Variants in RBFOX1 observed in about 807,000 individuals in gnomAD.
The protein encoded by RBFOX1 is RNA binding fox-1 homolog 1.
RBFOX1 carries 8 observed loss-of-function variants against 57.7 expected under a neutral mutation model. That is an observed-to-expected ratio of 0.14 (90% CI 0.08 to 0.25). The LOEUF (loss-of-function observed/expected upper bound fraction) is 0.25, where lower values mean the gene tolerates loss of function less well. Among genes scored for constraint, RBFOX1 ranks in the 10% least tolerant of loss-of-function variants. RBFOX1 has a pLI of 1.00. For synonymous variants in RBFOX1, 326 were observed against 222.4 expected (o/e 1.47, Z -4.15); for missense variants, 611 against 548.5 (o/e 1.11, Z -1.14).
At chr16:6,240,269 C>T (rs1238647712) in intron 1 of RBFOX1, among the ~76,000 whole-genome samples, 1 of 152,160 alleles carries the variant, frequency 6.6e-6, no homozygotes, top group Non-Finnish European at 1.5e-5. Context: ...TCAGGTATTT[C>T]TTTATAGCAG....
intron 4 of RBFOX1, among the ~76,000 whole-genome samples, chr16:7,053,742 A>T (rs2050910529): frequency 6.6e-6 from 1 of 152,124 alleles, no homozygotes; most frequent in African/African-American, 2.4e-5. Flanking sequence ...AAATGCAGGG[A>T]GTGGCTTGAT....
intron 3 of RBFOX1, among the ~76,000 whole-genome samples, chr16:5,724,187 A>G (rs1266196898): frequency 1.3e-5 from 2 of 152,132 alleles, no homozygotes; most frequent in African/African-American, 4.8e-5. Flanking sequence ...GAGTGGCAAG[A>G]TATTCTTTGG....
intron 1 of RBFOX1, among the ~76,000 whole-genome samples, chr16:6,220,518 T>C (rs577537459): frequency 3.3e-5 from 5 of 152,218 alleles, no homozygotes; most frequent in Non-Finnish European, 7.3e-5. Flanking sequence ...TTTGATAATT[T>C]GTAATTTGTA....
chr16:6,665,172 G>A lies in RBFOX1; in HGVS notation c.-16+10522G>A, dbSNP rs141326898. 7.5e-4 allele frequency among the ~76,000 whole-genome samples: 114 copies of A among 152,264 alleles called. 3 individuals are homozygous for A. The East Asian group carries it at 0.018, about 24-fold the overall frequency. On this transcript the variant is annotated intron_variant, in intron 3 of 15. Coordinates refer to ENST00000550418, the MANE Select transcript of RBFOX1 (RefSeq NM_018723.4). ...TAACTCCCACCTGTGGAGAAAAGGC[G>A]CTTCTTTTTCAGTGGCTTAGTAAAG...
chr16:5,884,798 G>C (rs978803532), intron 4 of RBFOX1, among the ~76,000 whole-genome samples: 1 of 152,080 alleles, frequency 6.6e-6, no homozygotes, highest in Non-Finnish European at 1.5e-5. Context: ...TGATGAGTGA[G>C]GTCCAGAAGG....
intron 1 of RBFOX1, among the ~76,000 whole-genome samples, chr16:5,427,778 C>A (rs2067607404): frequency 6.6e-6 from 1 of 152,134 alleles, no homozygotes; most frequent in Admixed American, 6.6e-5. Context: ...GGATGGGGCC[C>A]ACCCACATTA....
chr16:6,643,595 A>G (rs191245224), intron 2 of RBFOX1, among the ~76,000 whole-genome samples: 35 of 152,306 alleles, frequency 2.3e-4, no homozygotes, highest in African/African-American at 7.7e-4. Context: ...ACTTTAGAAC[A>G]TTGGTTTAAA....
rs144670193 is a variant in RBFOX1 at position 6,931,862 on chromosome 16, C to T, written c.-15-120195C>T. 2.7e-3 allele frequency among the ~76,000 whole-genome samples: 409 copies of T among 152,154 alleles called. 7 individuals carry two copies. Among genetic ancestry groups the T allele is most frequent in the East Asian group, 9.7e-3 (50 of 5,168 alleles). On this transcript the variant is annotated intron_variant, in intron 3 of 15. Transcript: ENST00000550418. ...CCAAGAGCATGGCACTGGTATCTGACGAGGGCGTGGTATAAGGCATCACAT... is the reference window on the plus strand; with the variant it reads ...CCAAGAGCATGGCACTGGTATCTGATGAGGGCGTGGTATAAGGCATCACAT...
chr16:6,542,149 C>T (rs2096829558), intron 2 of RBFOX1, among the ~76,000 whole-genome samples: 1 of 152,086 alleles, frequency 6.6e-6, no homozygotes, highest in Non-Finnish European at 1.5e-5. Flanking sequence ...TCGTCTCAAA[C>T]TCCTGGCCTC....
chr16:5,815,421 G>C (rs10445039), intron 3 of RBFOX1, among the ~76,000 whole-genome samples: 1 of 152,108 alleles, frequency 6.6e-6, no homozygotes, highest in Non-Finnish European at 1.5e-5. Flanking sequence ...CCCATGATTA[G>C]AACAGGGGCA....
intron 2 of RBFOX1, among the ~76,000 whole-genome samples, chr16:6,410,531 T>A (rs1162641587): frequency 2.0e-5 from 3 of 151,998 alleles, no homozygotes; most frequent in African/African-American, 7.3e-5. Flanking sequence ...CAGGATGGTC[T>A]GGATCTCCTG....
At chr16:7,589,866 G>T (rs1159636203) in intron 7 of RBFOX1, among the ~76,000 whole-genome samples, 1 of 150,910 alleles carries the variant, frequency 6.6e-6, no homozygotes, top group South Asian at 2.1e-4. Context: ...ATTCTCTAGA[G>T]CAGTTCTTCA....
At chr16:5,414,159 G>C (rs980166907) in intron 1 of RBFOX1, among the ~76,000 whole-genome samples, 1 of 152,140 alleles carries the variant, frequency 6.6e-6, no homozygotes, top group Non-Finnish European at 1.5e-5. Flanking sequence ...CAATCATTGC[G>C]CCAAGGGAAA....
chr16:6,700,373 T>C (rs1006486921), intron 3 of RBFOX1, among the ~76,000 whole-genome samples: 11 of 151,574 alleles, frequency 7.3e-5, no homozygotes, highest in Non-Finnish European at 4.4e-5. Context: ...AAAAAAGAAT[T>C]TTGACCAGGT....
chr16:5,597,869 G>A (rs2047238831), intron 2 of RBFOX1, among the ~76,000 whole-genome samples: 1 of 152,212 alleles, frequency 6.6e-6, no homozygotes, highest in Admixed American at 6.5e-5. Context: ...AGGCTCCACT[G>A]CAACCCTGCT....
intron 1 of RBFOX1, among the ~76,000 whole-genome samples, chr16:6,149,852 A>G (rs1045399139): frequency 2.0e-5 from 3 of 152,252 alleles, no homozygotes; most frequent in Non-Finnish European, 4.4e-5. Flanking sequence ...GTGAATCTTC[A>G]TGAAAGTGGT....
intron 2 of RBFOX1, among the ~76,000 whole-genome samples, chr16:6,585,781 T>C (rs905258828): frequency 2.6e-5 from 4 of 152,190 alleles, no homozygotes; most frequent in Admixed American, 2.6e-4. Context: ...TAATTTAGTT[T>C]TTTTCTTCTT....
At chr16:6,085,038 G>A (rs576802982) in intron 1 of RBFOX1, among the ~76,000 whole-genome samples, 14 of 152,246 alleles carry the variant, frequency 9.2e-5, no homozygotes, top group South Asian at 2.1e-4. Context: ...TGTCCTCAGC[G>A]TGCGTGCTTC....
chr16:6,819,945 T>C (rs2090972293), intron 3 of RBFOX1, among the ~76,000 whole-genome samples: 3 of 152,110 alleles, frequency 2.0e-5, no homozygotes, highest in Non-Finnish European at 4.4e-5. Context: ...TGATGTCATC[T>C]GGTATTTTCA....
Sources: gnomAD v4.1 joint callset for allele counts (sites outside exome capture counted in the v4.1 genomes callset) on GRCh38, gnomAD v4.1.1 for gene constraint, MANE v1.5 for transcripts, NCBI Gene and HGNC (gene_info 2026-07-23, HGNC 2026-07-21) for gene names.